CBLN2: variants seen among roughly 807,000 people sequenced by gnomAD.
The protein encoded by CBLN2 is cerebellin 2 precursor.
A neutral mutation model predicts 15.0 loss-of-function variants in CBLN2; 7 were observed. The observed-to-expected ratio is 0.47, with a 90% CI of 0.27 to 0.88. CBLN2 has a LOEUF of 0.88. Ranked by LOEUF, CBLN2 falls within the 40% of genes least tolerant of loss-of-function variation. The pLI is 0.14. For synonymous variants in CBLN2, 149 were observed against 135.2 expected (o/e 1.10, Z -0.71); for missense variants, 242 against 304.5 (o/e 0.79, Z 1.53).
rs560338875 is a variant in CBLN2 at position 72,607,291 on chromosome 18, T to G, written c.15+31034A>C. ...AGCCATCCAGTTTGTGGTACTTTGTTAAGCCATCCTTAGCAGATGCACACA... is the reference window on the plus strand; with the variant it reads ...AGCCATCCAGTTTGTGGTACTTTGTGAAGCCATCCTTAGCAGATGCACACA... On this transcript the variant is annotated intron_variant, in intron 1 of 2. Coordinates refer to the CBLN2 transcript ENST00000581073. Among the ~76,000 whole-genome samples the G allele has an allele frequency of 7.9e-5, 12 of 152,310 alleles. No individual in the cohort carries two copies. In the East Asian group the frequency reaches 2.3e-3, roughly 29 times the overall value.
At chr18:72,622,407 T>C (rs2069707300) in intron 1 of CBLN2, among the ~76,000 whole-genome samples, 1 of 151,902 alleles carries the variant, frequency 6.6e-6, no homozygotes, top group South Asian at 2.1e-4. Flanking sequence ...TACAATGCCC[T>C]CTTGGAAACC....
chr18:72,623,032 C>T (rs2144968837), intron 1 of CBLN2, among the ~76,000 whole-genome samples: 1 of 152,206 alleles, frequency 6.6e-6, no homozygotes, highest in South Asian at 2.1e-4. Context: ...GCTGGGGAAG[C>T]CTCAGGAAAC....
At chr18:72,622,530 G>T (rs1183614594) in intron 1 of CBLN2, among the ~76,000 whole-genome samples, 2 of 152,010 alleles carry the variant, frequency 1.3e-5, no homozygotes, top group East Asian at 3.9e-4. Flanking sequence ...AGAGGAATTT[G>T]CTCAAATTTC....
chr18:72,604,206 T>C (rs890126150), intron 1 of CBLN2, among the ~76,000 whole-genome samples: 13 of 152,202 alleles, frequency 8.5e-5, no homozygotes, highest in African/African-American at 2.9e-4. Context: ...TCCTCAGACC[T>C]GTTGAAACAG....
intron 3 of CBLN2, 89 bp downstream of exon 3, chr18:72,541,715 C>G: frequency 3.8e-6 from 4 of 1,039,016 alleles, no homozygotes; most frequent in Non-Finnish European, 5.4e-6. Flanking sequence ...GGGAACTCCA[C>G]GTCCAAGAAG....
chr18:72,614,984 C>A (rs1281340953), intron 1 of CBLN2, among the ~76,000 whole-genome samples: 2 of 146,026 alleles, frequency 1.4e-5, no homozygotes, highest in African/African-American at 5.1e-5. Context: ...GCTGACTATA[C>A]ACATAACATA....
intron 1 of CBLN2, among the ~76,000 whole-genome samples, chr18:72,615,517 T>C (rs2069655412): frequency 6.6e-6 from 1 of 151,904 alleles, no homozygotes; most frequent in African/African-American, 2.4e-5. Context: ...CCTCATGTGA[T>C]CCGCCTGCCT....
chr18:72,582,927 A>C (rs2069415539), intron 1 of CBLN2, among the ~76,000 whole-genome samples: 1 of 152,222 alleles, frequency 6.6e-6, no homozygotes, highest in African/African-American at 2.4e-5. Flanking sequence ...AATGTTTCCC[A>C]TCAAAACGCT....
intron 1 of CBLN2, among the ~76,000 whole-genome samples, chr18:72,568,428 A>G (rs1164879579): frequency 1.3e-5 from 2 of 152,204 alleles, no homozygotes; most frequent in Non-Finnish European, 1.5e-5. Context: ...AGTAGCTTCC[A>G]AATGACCACG....
chr18:72,598,075 C>T (rs996967032), intron 1 of CBLN2, among the ~76,000 whole-genome samples: 1 of 152,098 alleles, frequency 6.6e-6, no homozygotes. Flanking sequence ...AGACAGAGTC[C>T]CCTTCACTGT....
chr18:72,597,995 G>A (rs947184672), intron 1 of CBLN2, among the ~76,000 whole-genome samples: 16 of 152,094 alleles, frequency 1.1e-4, no homozygotes, highest in Admixed American at 5.2e-4. Context: ...AGCCAAGGCC[G>A]GGAATTGCAG....
At chr18:72,575,573 A>G (rs1356113266) in intron 1 of CBLN2, among the ~76,000 whole-genome samples, 1 of 152,106 alleles carries the variant, frequency 6.6e-6, no homozygotes, top group African/African-American at 2.4e-5. Context: ...TCCTGTACTA[A>G]AAGCCCTGTG....
intron 1 of CBLN2, among the ~76,000 whole-genome samples, chr18:72,583,585 A>T (rs558708940): frequency 6.6e-6 from 1 of 152,290 alleles, no homozygotes; most frequent in East Asian, 1.9e-4. Context: ...ATTATCATAA[A>T]ATTTATAACC....
At chr18:72,565,609 T>C (rs1462927062) in intron 1 of CBLN2, among the ~76,000 whole-genome samples, 1 of 152,078 alleles carries the variant, frequency 6.6e-6, no homozygotes. Flanking sequence ...GTAAGCCCCA[T>C]AATAACAACA....
chr18:72,626,437 T>C (rs1276836324), intron 1 of CBLN2, among the ~76,000 whole-genome samples: 1 of 152,022 alleles, frequency 6.6e-6, no homozygotes, highest in Non-Finnish European at 1.5e-5. Context: ...ATCCTTGATG[T>C]GTAAAAAAGA....
At chr18:72,554,664 A>C (rs1313843423) in intron 1 of CBLN2, among the ~76,000 whole-genome samples, 1 of 152,168 alleles carries the variant, frequency 6.6e-6, no homozygotes, top group Non-Finnish European at 1.5e-5. Context: ...GCAAAGAAAA[A>C]AAAAACTAAA....
At chr18:72,619,296 G>C (rs2069684175) in intron 1 of CBLN2, 1 of 640,576 alleles carries the variant, frequency 1.6e-6, no homozygotes, top group East Asian at 4.1e-5. Flanking sequence ...GGTTACAACA[G>C]AATTGTGAAC....
upstream of CBLN2, among the ~76,000 whole-genome samples, chr18:72,544,904 A>ATT (rs201213669): frequency 1.3e-5 from 2 of 151,034 alleles, no homozygotes; most frequent in South Asian, 2.1e-4. Flanking sequence ...CTATAGCCTG[A>ATT]TTTTTTTTTA....
intron 1 of CBLN2, among the ~76,000 whole-genome samples, chr18:72,553,379 A>T (rs958387750): frequency 6.6e-6 from 1 of 152,202 alleles, no homozygotes; most frequent in Non-Finnish European, 1.5e-5. Context: ...GTGGGCATAA[A>T]CAGAAAATAA....
Sources: allele counts gnomAD v4.1 joint callset (sites outside exome capture counted in the v4.1 genomes callset), GRCh38; gene constraint gnomAD v4.1.1; transcripts MANE v1.5; gene names NCBI Gene and HGNC (gene_info 2026-07-23, HGNC 2026-07-21).